Variants in SRD5A2 observed in about 807,000 individuals in gnomAD.
SRD5A2 encodes the protein 3-oxo-5-alpha-steroid 4-dehydrogenase 2.
Under a neutral mutation model 27.4 loss-of-function variants are expected in SRD5A2, and 30 were observed. The ratio of observed to expected loss-of-function variants is 1.10; its 90% confidence interval spans 0.82 to 1.49. The LOEUF is 1.49. Among genes scored for constraint, SRD5A2 ranks in the 40% most tolerant of loss-of-function variants. The pLI, the probability that SRD5A2 is intolerant of heterozygous loss-of-function variation, is 0.00. For synonymous variants in SRD5A2, 141 were observed against 133.6 expected, an observed-to-expected ratio of 1.06 and a Z score of -0.38; for missense variants, 348 against 323.4, an observed-to-expected ratio of 1.08 and a Z score of -0.58.
chr2:31,603,258 T>C, the SRD5A2 span, among the ~76,000 whole-genome samples: 1 of 152,020 alleles, frequency 6.6e-6, no homozygotes, highest in Admixed American at 6.6e-5. Context: ...CAGACACTTC[T>C]CAAAAGAAGA....
chr2:31,605,324 A>G, the SRD5A2 span, among the ~76,000 whole-genome samples: 1 of 151,874 alleles, frequency 6.6e-6, no homozygotes. Flanking sequence ...GCATCTTCAC[A>G]GTAAAGGAAA....
At chr2:31,611,740 G>T in the SRD5A2 span, among the ~76,000 whole-genome samples, 1,781 of 152,192 alleles carry the variant, frequency 0.012, 36 homozygotes, top group African/African-American at 0.04. Context: ...CCACTTTGGA[G>T]AACTGTTTGG....
intron 1 of SRD5A2, 39 bp downstream of exon 1, chr2:31,580,581 A>G: frequency 6.8e-7 from 1 of 1,477,986 alleles, no homozygotes; most frequent in Non-Finnish European, 9.0e-7. Flanking sequence ...GGAGCAGGGC[A>G]GTGCGCTGCA....
At chr2:31,633,403 G>T in the SRD5A2 span, among the ~76,000 whole-genome samples, 2 of 151,996 alleles carry the variant, frequency 1.3e-5, no homozygotes, top group African/African-American at 4.8e-5. Flanking sequence ...AGATAGTCAG[G>T]GCCTGTGAAG....
intron 1 of SRD5A2, among the ~76,000 whole-genome samples, chr2:31,545,393 CTT>C (rs1666223810): frequency 1.3e-5 from 2 of 152,180 alleles, no homozygotes; most frequent in Admixed American, 6.5e-5. Context: ...TCAAGTAAGA[CTT>C]AATTCTAGAA....
At chr2:31,607,678 A>G in the SRD5A2 span, among the ~76,000 whole-genome samples, 1 of 152,110 alleles carries the variant, frequency 6.6e-6, no homozygotes, top group African/African-American at 2.4e-5. Context: ...GTGTGTCCTC[A>G]GCAAAAATTG....
At chr2:31,654,171 GAA>G in the SRD5A2 span, among the ~76,000 whole-genome samples, 1 of 151,944 alleles carries the variant, frequency 6.6e-6, no homozygotes, top group Admixed American at 6.6e-5. Context: ...ATCAGAAATG[GAA>G]AAGTTATACC....
At chr2:31,583,794 A>C (rs1667128962), upstream of SRD5A2, among the ~76,000 whole-genome samples, 1 of 152,130 alleles carries the variant, frequency 6.6e-6, no homozygotes, top group Non-Finnish European at 1.5e-5. Context: ...GCAGACACAG[A>C]AATGACTATC....
intron 1 of SRD5A2, among the ~76,000 whole-genome samples, chr2:31,579,744 T>C (rs1240721111): frequency 6.6e-6 from 1 of 152,242 alleles, no homozygotes; most frequent in Non-Finnish European, 1.5e-5. Context: ...TTTAACAATG[T>C]GTTCGTTCTT....
chr2:31,638,687 T>C, the SRD5A2 span, among the ~76,000 whole-genome samples: 1 of 152,016 alleles, frequency 6.6e-6, no homozygotes, highest in Non-Finnish European at 1.5e-5. Context: ...CTTTTTTGTC[T>C]TTTTTTATAG....
the SRD5A2 span, among the ~76,000 whole-genome samples, chr2:31,654,857 G>A: frequency 6.6e-6 from 1 of 152,110 alleles, no homozygotes; most frequent in Admixed American, 6.5e-5. Flanking sequence ...GGTCACACAC[G>A]AAGGCTCTTT....
chr2:31,559,802 A>G (rs1197629521), intron 1 of SRD5A2, among the ~76,000 whole-genome samples: 2 of 151,418 alleles, frequency 1.3e-5, no homozygotes, highest in Non-Finnish European at 2.9e-5. Flanking sequence ...CTAGTAACCA[A>G]TACATCAGTG....
intron 1 of SRD5A2, among the ~76,000 whole-genome samples, chr2:31,540,231 A>G (rs1666102756): frequency 6.6e-6 from 1 of 152,154 alleles, no homozygotes; most frequent in African/African-American, 2.4e-5. Flanking sequence ...TCTAAAAAAT[A>G]TTCATATAAT....
the SRD5A2 span, among the ~76,000 whole-genome samples, chr2:31,623,962 C>T: frequency 1.3e-5 from 2 of 152,058 alleles, no homozygotes; most frequent in Admixed American, 6.6e-5. Flanking sequence ...CCAACTTGAT[C>T]GTGTTGGATA....
chr2:31,657,973 A>G, the SRD5A2 span, among the ~76,000 whole-genome samples: 1 of 152,164 alleles, frequency 6.6e-6, no homozygotes, highest in Non-Finnish European at 1.5e-5. Context: ...ACAAAAAAAT[A>G]CCGAACACAG....
At chr2:31,624,380 C>A in the SRD5A2 span, among the ~76,000 whole-genome samples, 1 of 151,500 alleles carries the variant, frequency 6.6e-6, no homozygotes, top group East Asian at 1.9e-4. Context: ...TTTTTTAATT[C>A]TACTTTAAGT....
chr2:31,561,800 A>C (rs1329373304), intron 1 of SRD5A2, among the ~76,000 whole-genome samples: 1 of 152,200 alleles, frequency 6.6e-6, no homozygotes. Flanking sequence ...CCATTTTAAA[A>C]AAATTTTTAA....
At chr2:31,638,246 C>T in the SRD5A2 span, among the ~76,000 whole-genome samples, 268 of 151,730 alleles carry the variant, frequency 1.8e-3, 2 homozygotes, top group African/African-American at 6.3e-3. Context: ...TCAGAGGTTC[C>T]CCCTTGTTTT....
At chr2:31,574,659 GA>G (rs1338956997) in intron 1 of SRD5A2, among the ~76,000 whole-genome samples, 3 of 152,158 alleles carry the variant, frequency 2.0e-5, no homozygotes, top group Non-Finnish European at 4.4e-5. Context: ...TAGAACCCAA[GA>G]ATTCTCAGAA....
Sources: allele counts gnomAD v4.1 joint callset (sites outside exome capture counted in the v4.1 genomes callset), GRCh38; gene constraint gnomAD v4.1.1; transcripts MANE v1.5; gene names NCBI Gene and HGNC (gene_info 2026-07-23, HGNC 2026-07-21).